The following ITGB4 variants were observed in gnomAD, a reference collection of about 807,000 sequenced individuals.
ITGB4 encodes integrin subunit beta 4.
A neutral mutation model predicts 207.6 loss-of-function variants in ITGB4; 159 were observed. The observed-to-expected ratio is 0.77, with a 90% CI of 0.67 to 0.87. The LOEUF (loss-of-function observed/expected upper bound fraction) is 0.87, where lower values mean the gene tolerates loss of function less well. ITGB4 is among the 40% of genes least tolerant of loss of function. ITGB4 has a pLI of 0.00. For missense variants in ITGB4, 2,278 were observed against 2,546.8 expected (o/e 0.89, Z 2.27); for synonymous variants, 1,020 against 1,062.7 (o/e 0.96, Z 0.78).
chr17:75,739,960 C>T lies in ITGB4; in HGVS notation c.2335C>T (p.Leu779=). Residue 779 remains leucine (L), a synonymous_variant, in exon 20 of 40, where the codon CTG becomes TTG. Transcript: ENST00000200181. The surrounding 1 kb of genome is among the most constrained non-coding windows in gnomAD (Gnocchi z 5.4). ...CTCTGACCACTTGGACACGCCCATGCTGCGCAGCGGGAACCTCAAGGGCCG... is the reference window on the plus strand; with the variant it reads ...CTCTGACCACTTGGACACGCCCATGTTGCGCAGCGGGAACCTCAAGGGCCG... ...MASDHLDTPM[L]RSGNLKGRDV... The T allele has an allele frequency of 6.2e-7, 1 of 1,613,308 alleles. No homozygotes were observed. The highest frequency in any genetic ancestry group is 8.5e-7 in the Non-Finnish European group (1 of 1,180,036).
chr17:75,742,252 C>A lies in ITGB4; in HGVS notation c.2634-89C>A. The A allele has an allele frequency of 6.5e-7, 1 of 1,536,958 alleles. No homozygotes were observed. Among genetic ancestry groups the A allele is most frequent in the Non-Finnish European group, 9.0e-7 (1 of 1,116,810 alleles). ...ACTTCTTGCTGTCTTACATCCTGGC[C>A]CCTGAAGGGGAGAAGACAGGCAGGA... On this transcript the variant is annotated intron_variant, in intron 23 of 39. Coordinates refer to ENST00000200181, the MANE Select transcript of ITGB4 (RefSeq NM_000213.5). The surrounding 1 kb of genome is among the most constrained non-coding windows in gnomAD (Gnocchi z 5.9).
intron 2 of ITGB4, 32 bp downstream of exon 2, chr17:75,724,814 G>A (rs1289314836): frequency 6.3e-7 from 1 of 1,578,518 alleles, no homozygotes; most frequent in Non-Finnish European, 8.7e-7. Context: ...GCCCCCTCCT[G>A]GCAGGATCAT....
Position 75,749,003 on chromosome 17 carries a change from C to G in ITGB4, c.3274C>G (p.Leu1092Val). ...QLSNPKFGAH[L>V]GQPHSTTIII... The stretch of plus-strand genomic sequence containing the variant: ...CAGCAACCCTAAGTTTGGGGCCCAC[C>G]TGGGCCAGCCCCACTCCACCACCAT... Residue 1092 changes from leucine (L) to valine (V), a missense_variant, in exon 27 of 40, where the codon CTG becomes GTG. Leu to Val is a conservative substitution (Grantham distance 32). Coordinates refer to ENST00000200181, the MANE Select transcript of ITGB4 (RefSeq NM_000213.5). 3 of 1,612,880 alleles carry G rather than the reference C, an allele frequency of 1.9e-6. No homozygotes were observed. Among genetic ancestry groups the G allele is most frequent in the African/African-American group, 1.3e-5 (1 of 75,064 alleles).
Position 75,729,229 on chromosome 17 carries a change from C to T in ITGB4, c.567-36C>T, listed in dbSNP as rs756125892. On this transcript the variant is annotated intron_variant, in intron 6 of 39. Transcript: ENST00000200181. This position sits in a 1 kb window ranked among gnomAD's most constrained non-coding sequence, Gnocchi z 4.4. ...GCACTGGGGTCTGCGGCGTCTTCCCCCTGTGACACTCTCTCTCCCTCCCAC... is the reference window on the plus strand; with the variant it reads ...GCACTGGGGTCTGCGGCGTCTTCCCTCTGTGACACTCTCTCTCCCTCCCAC... 1 of 1,608,052 alleles carries T rather than the reference C, an allele frequency of 6.2e-7. No individual in the cohort carries two copies. Among genetic ancestry groups the T allele is most frequent in the East Asian group, 2.2e-5 (1 of 44,746 alleles).
In ITGB4 at chr17:75,731,273, G is replaced by T. The variant is rs768938705; in HGVS notation, c.1120G>T (p.Ala374Ser). The change falls in exon 10 of 40, where the codon GCC (alanine) becomes TCC (serine). Residue 374 changes from alanine to serine, a missense_variant. Transcript: ENST00000200181. This position sits in a 1 kb window ranked among gnomAD's most constrained non-coding sequence, Gnocchi z 6.8. ...GATCCGCTCCAACCTGGACATCCGG[G>T]CCCTAGACAGCCCCCGAGGCCTTCG... ...NRIRSNLDIRALDSPRGLRTE... is the reference protein window; with the variant it reads ...NRIRSNLDIRSLDSPRGLRTE... 1.2e-6 allele frequency: 2 copies of T among 1,613,510 alleles called. No homozygotes were observed. The highest frequency in any genetic ancestry group is 2.2e-5 in the South Asian group (2 of 91,080).
intron 13 of ITGB4, among the ~76,000 whole-genome samples, chr17:75,735,454 C>T (rs1478727620): frequency 7.0e-6 from 1 of 143,236 alleles, no homozygotes; most frequent in East Asian, 2.0e-4. Context: ...TGCTCTGTCA[C>T]CAGGCTGGAG....
Position 75,757,196 on chromosome 17 carries a change from C to G in ITGB4, c.5219-4C>G, listed in dbSNP as rs778331639. On this transcript the variant is annotated splice_polypyrimidine_tract_variant and splice_region_variant and intron_variant, in intron 38 of 39. Coordinates refer to ENST00000200181, the MANE Select transcript of ITGB4 (RefSeq NM_000213.5). ...CCTCTGACTGGCCTATCTGCCCACC[C>G]CAGGACCCTTCCCGCAGCTGGGCAG... 5.6e-6 allele frequency: 9 copies of G among 1,612,414 alleles called. No homozygotes were observed. The East Asian group carries it at 1.6e-4, about 28-fold the overall frequency.
chr17:75,751,758 A>T, intron 30 of ITGB4: 1 of 238,484 alleles, frequency 4.2e-6, no homozygotes, highest in South Asian at 5.1e-5. Flanking sequence ...ATAAATAAAA[A>T]GGATTATTTT....
Position 75,740,821 on chromosome 17 carries a change from G to T in ITGB4, c.2579G>T (p.Gly860Val). ...NLNEVYRQIS[G>V]VHKLQQTKFR... The stretch of plus-strand genomic sequence containing the variant: ...AACGAGGTCTACAGGCAGATCTCCG[G>T]TGTACACAAGCTCCAGCAGACCAAG... Residue 860 changes from glycine to valine, a missense_variant, in exon 22 of 40, where the codon GGT becomes GTT. Transcript: ENST00000200181. This position sits in a 1 kb window ranked among gnomAD's most constrained non-coding sequence, Gnocchi z 5.9. 2 of 1,613,604 alleles carry T rather than the reference G, an allele frequency of 1.2e-6. No homozygotes were observed. The highest frequency in any genetic ancestry group is 1.7e-6 in the Non-Finnish European group (2 of 1,180,022).
chr17:75,733,426 G>A (rs1178824895), intron 12 of ITGB4, 64 bp from the exon 13 acceptor site: 71 of 1,268,338 alleles, frequency 5.6e-5, no homozygotes, highest in Non-Finnish European at 7.4e-5. Flanking sequence ...TAAATTAAAT[G>A]GGACAGCAAA....
chr17:75,728,317 C>G (rs1055557415), intron 5 of ITGB4, 60 bp from the exon 6 acceptor site: 3 of 1,436,520 alleles, frequency 2.1e-6, no homozygotes, highest in Non-Finnish European at 2.9e-6. Flanking sequence ...TGGTGGGGGG[C>G]CCGTGTTTAT....
At position 75,729,673 on chromosome 17, in the gene ITGB4, G is replaced by A. The variant is rs762086179; in HGVS notation, c.738+237G>A. 6.6e-6 allele frequency among the ~76,000 whole-genome samples: 1 copy of A among 152,210 alleles called. No homozygotes were observed. The highest frequency in any genetic ancestry group is 1.5e-5 in the Non-Finnish European group (1 of 68,034). On this transcript the variant is annotated intron_variant, in intron 7 of 39. Coordinates refer to ENST00000200181, the MANE Select transcript of ITGB4 (RefSeq NM_000213.5). The surrounding 1 kb of genome is among the most constrained non-coding windows in gnomAD (Gnocchi z 4.4). ...CCCTGGCCTGAGCAGTCACAGCCTG[G>A]TTTCGTATCAGCTACCAAGGCAGAC...
chr17:75,744,240 C>G (rs1274349283), intron 26 of ITGB4, among the ~76,000 whole-genome samples: 1 of 151,938 alleles, frequency 6.6e-6, no homozygotes, highest in Non-Finnish European at 1.5e-5. Flanking sequence ...GCTGCCTCAG[C>G]CTCCCTAGTA....
chr17:75,748,761 A>G, intron 26 of ITGB4, 80 bp from the exon 27 acceptor site: 1 of 1,026,582 alleles, frequency 9.7e-7, no homozygotes, highest in Non-Finnish European at 1.5e-6. Context: ...AGTGTCCATG[A>G]GGTTGGGAGG....
intron 6 of ITGB4, 99 bp downstream of exon 6, chr17:75,728,572 G>T (rs1185184437): frequency 7.2e-6 from 7 of 968,564 alleles, no homozygotes; most frequent in South Asian, 2.7e-5. Flanking sequence ...TCTACGGCTG[G>T]GCACGGTGGC....
At position 75,730,300 on chromosome 17, in the gene ITGB4, C is replaced by A. The variant is rs1015773769; in HGVS notation, c.798C>A (p.Ala266=). The change falls in exon 8 of 40, where the codon GCC becomes GCA. Residue 266 remains alanine (A), a synonymous_variant. Coordinates refer to ENST00000200181, the MANE Select transcript of ITGB4 (RefSeq NM_000213.5). ...TGCTGGTCTTCTCCACCGAGTCAGC[C>A]TTCCACTATGAGGCTGATGGCGCCA... The part of the protein sequence containing the change: ...THLLVFSTES[A]FHYEADGANV... The A allele has an allele frequency of 1.9e-6, 3 of 1,613,624 alleles. No individual in the cohort carries two copies. Among genetic ancestry groups the A allele is most frequent in the Non-Finnish European group, 2.5e-6 (3 of 1,180,034 alleles).
In ITGB4 at chr17:75,727,003, G is replaced by A; in HGVS notation, c.80-192G>A. Among the ~76,000 whole-genome samples the A allele has an allele frequency of 6.6e-6, 1 of 151,968 alleles. No individual in the cohort carries two copies. Among genetic ancestry groups the A allele is most frequent in the East Asian group, 1.9e-4 (1 of 5,168 alleles). On this transcript the variant is annotated intron_variant, in intron 2 of 39. Transcript: ENST00000200181. This position sits in a 1 kb window ranked among gnomAD's most constrained non-coding sequence, Gnocchi z 6.0. ...TGGGAGAATGGCGTGAACACGGGTG[G>A]TGGAGCTTGCAGTGAGCCAGGATCA...
intron 13 of ITGB4, 87 bp downstream of exon 13, chr17:75,733,779 G>C (rs2060916412): frequency 1.4e-6 from 2 of 1,410,782 alleles, no homozygotes; most frequent in South Asian, 2.4e-5. Context: ...CAGGTTGGGA[G>C]AGCCAGACTT....
At chr17:75,733,119 T>A (rs918354767) in intron 12 of ITGB4, among the ~76,000 whole-genome samples, 16 of 149,548 alleles carry the variant, frequency 1.1e-4, no homozygotes, top group African/African-American at 4.0e-4. Context: ...CCAGGCGCGG[T>A]GGCTTACGCC....
Sources: gnomAD v4.1 joint callset for allele counts (sites outside exome capture counted in the v4.1 genomes callset) on GRCh38, gnomAD v4.1.1 for gene constraint, Gnocchi (gnomAD v3.1) non-coding constraint, MANE v1.5 for transcripts, NCBI Gene and HGNC (gene_info 2026-07-23, HGNC 2026-07-21) for gene names.